The following KCNC4 variants were observed in gnomAD, a reference collection of about 807,000 sequenced individuals.
The protein encoded by KCNC4 is voltage-gated potassium channel KCNC4.
KCNC4 carries 23 observed loss-of-function variants against 42.8 expected under a neutral mutation model. The observed-to-expected ratio is 0.54, with a 90% CI of 0.39 to 0.76. KCNC4 has a LOEUF of 0.76. Ranked by LOEUF, KCNC4 falls within the 30% of genes least tolerant of loss-of-function variation. KCNC4 has a pLI of 0.00. For synonymous variants in KCNC4, 422 were observed against 393.5 expected (o/e 1.07, Z -0.86); for missense variants, 751 against 898.2 (o/e 0.84, Z 2.10).
At chr1:110,264,727 T>C (rs1659508120) in intron 1 of KCNC4, among the ~76,000 whole-genome samples, 1 of 152,162 alleles carries the variant, frequency 6.6e-6, no homozygotes, top group Non-Finnish European at 1.5e-5. Context: ...TCAAGATTTT[T>C]CTTTATTTAG....
At chr1:110,245,190 G>T (rs565170497) in exon 4 of KCNC4, 5 of 152,262 alleles carry the variant, frequency 3.3e-5, no homozygotes, top group African/African-American at 9.6e-5. Context: ...TGATCAGAAG[G>T]TCTCAACCTA....
chr1:110,214,240 A>G (rs1311846140), intron 1 of KCNC4, among the ~76,000 whole-genome samples: 1 of 152,226 alleles, frequency 6.6e-6, no homozygotes, highest in African/African-American at 2.4e-5. Context: ...AAACATTGAG[A>G]AAACCAGGAT....
chr1:110,247,397 A>G (rs1659173800), exon 4 of KCNC4: 1 of 152,346 alleles, frequency 6.6e-6, no homozygotes, highest in African/African-American at 2.4e-5. Flanking sequence ...TTTTGTAGAG[A>G]TGGGGTCTTG....
downstream of KCNC4, chr1:110,234,281 A>C (rs1332150045): frequency 6.6e-6 from 1 of 152,188 alleles, no homozygotes; most frequent in Non-Finnish European, 1.5e-5. Flanking sequence ...ACAGTGTTCT[A>C]ATATCCACTG....
chr1:110,278,378 G>A (rs907574365), intron 1 of KCNC4, among the ~76,000 whole-genome samples: 2 of 152,122 alleles, frequency 1.3e-5, no homozygotes, highest in African/African-American at 4.8e-5. Flanking sequence ...TGGAGATGGA[G>A]GTGTTTTGGG....
At chr1:110,255,019 G>A (rs1659306066) in intron 1 of KCNC4, among the ~76,000 whole-genome samples, 1 of 152,198 alleles carries the variant, frequency 6.6e-6, no homozygotes, top group Admixed American at 6.5e-5. Flanking sequence ...CATAGCATAG[G>A]AGACATCCAA....
At chr1:110,212,229 G>T in intron 1 of KCNC4, 52 bp downstream of exon 1, 3 of 1,383,348 alleles carry the variant, frequency 2.2e-6, no homozygotes, top group East Asian at 2.8e-5. Context: ...AGGGGTCCGT[G>T]GTGGGTGGTG....
At chr1:110,253,272 G>C (rs916297039), downstream of KCNC4, among the ~76,000 whole-genome samples, 1 of 152,182 alleles carries the variant, frequency 6.6e-6, no homozygotes, top group Non-Finnish European at 1.5e-5. Flanking sequence ...GCATCTTCTT[G>C]TTTTGCACAT....
rs372750709 is a variant in KCNC4, at chr1:110,211,925, C to T, written c.426C>T (p.Pro142=). 8.1e-6 allele frequency: 13 copies of T among 1,611,500 alleles called. No homozygotes were observed. Among genetic ancestry groups the T allele is most frequent in the East Asian group, 2.2e-5 (1 of 44,862 alleles). Residue 142 remains proline, a synonymous_variant, in exon 1 of 4, where the codon CCC becomes CCT. Coordinates refer to ENST00000438661, the MANE Select transcript of KCNC4 (RefSeq NM_001039574.3). This position sits in a 1 kb window ranked among gnomAD's most constrained non-coding sequence, Gnocchi z 6.5. ...FWGIDETDVE[P]CCWMTYRQHR... ...GCATCGACGAGACCGACGTGGAACCCTGCTGCTGGATGACCTACCGGCAGC... is the reference window on the plus strand; with the variant it reads ...GCATCGACGAGACCGACGTGGAACCTTGCTGCTGGATGACCTACCGGCAGC...
At chr1:110,219,786 G>C (rs1367528249) in intron 1 of KCNC4, 1 of 152,252 alleles carries the variant, frequency 6.6e-6, no homozygotes, top group Non-Finnish European at 1.5e-5. Flanking sequence ...AAGGCCTGGT[G>C]AAAAGCACCA....
intron 3 of KCNC4, among the ~76,000 whole-genome samples, chr1:110,228,001 A>G (rs527362320): frequency 2.0e-5 from 3 of 152,270 alleles, no homozygotes; most frequent in African/African-American, 7.2e-5. Context: ...TCAGCCAATT[A>G]GAGTGACCTT....
At chr1:110,253,906 TC>T (rs1659284884), downstream of KCNC4, among the ~76,000 whole-genome samples, 1 of 152,020 alleles carries the variant, frequency 6.6e-6, no homozygotes, top group South Asian at 2.1e-4. Context: ...CCTCAGGGGT[TC>T]TTGGGTCTAT....
chr1:110,216,827 C>T (rs1353207479), intron 1 of KCNC4, among the ~76,000 whole-genome samples: 1 of 152,084 alleles, frequency 6.6e-6, no homozygotes, highest in Non-Finnish European at 1.5e-5. Context: ...CACCTGGCCC[C>T]TAGCAGGGGT....
intron 1 of KCNC4, among the ~76,000 whole-genome samples, chr1:110,267,918 G>A (rs1659571125): frequency 6.6e-6 from 1 of 152,162 alleles, no homozygotes; most frequent in South Asian, 2.1e-4. Context: ...GTAATACATG[G>A]TTAGAATCAT....
downstream of KCNC4, chr1:110,235,952 C>G (rs117356399): frequency 6.6e-6 from 1 of 152,186 alleles, no homozygotes; most frequent in Non-Finnish European, 1.5e-5. Context: ...CCGTGTCTCT[C>G]TCATTGAGCC....
chr1:110,254,667 G>C (rs1039397161), intron 1 of KCNC4, among the ~76,000 whole-genome samples: 4 of 152,220 alleles, frequency 2.6e-5, no homozygotes, highest in South Asian at 2.1e-4. Context: ...AGATGAGTTG[G>C]GGGGAGGACT....
rs561028764 is a variant in KCNC4 at position 110,225,637 on chromosome 1, G to A, written c.1616-338G>A. 1,082 of 231,958 alleles carry A rather than the reference G, an allele frequency of 4.7e-3. 8 individuals are homozygous for A. Among genetic ancestry groups the A allele is most frequent in the Non-Finnish European group, 5.7e-3 (679 of 118,410 alleles). 14.4% of individuals were successfully genotyped at this position (231,958 alleles called of 1,614,324 possible). A position where few individuals can be genotyped will look rare whatever the true frequency, so the allele number is the denominator to read the frequency against. ...AGTCAGCCTGAGCCAGACCCAAGGAGGAAGTAGAGTCTGCGGACTGCTTTG... is the reference window on the plus strand; with the variant it reads ...AGTCAGCCTGAGCCAGACCCAAGGAAGAAGTAGAGTCTGCGGACTGCTTTG... On this transcript the variant is annotated intron_variant, in intron 2 of 3. Transcript: ENST00000438661.
At chr1:110,276,634 G>A (rs1313854655) in intron 1 of KCNC4, among the ~76,000 whole-genome samples, 5 of 152,216 alleles carry the variant, frequency 3.3e-5, no homozygotes, top group African/African-American at 7.2e-5. Context: ...GCCTGTTTGG[G>A]TTCTATTTCT....
At chr1:110,254,955 G>A (rs1659305277) in intron 1 of KCNC4, among the ~76,000 whole-genome samples, 1 of 152,230 alleles carries the variant, frequency 6.6e-6, no homozygotes, top group Admixed American at 6.5e-5. Context: ...CTATGTTCTG[G>A]AAAGGGTGCC....
Sources: gnomAD v4.1 joint callset for allele counts (sites outside exome capture counted in the v4.1 genomes callset) on GRCh38, gnomAD v4.1.1 for gene constraint, Gnocchi (gnomAD v3.1) non-coding constraint, MANE v1.5 for transcripts, NCBI Gene and HGNC (gene_info 2026-07-23, HGNC 2026-07-21) for gene names.